CNOT4: variants seen among roughly 807,000 people sequenced by gnomAD.
CNOT4 encodes the protein CCR4-associated factor 4.
In CNOT4, 8 loss-of-function variants were observed where a neutral mutation model predicts 73.8. That is an observed-to-expected ratio of 0.11 (90% CI 0.06 to 0.20). The LOEUF (loss-of-function observed/expected upper bound fraction) is 0.20. Among genes scored for constraint, CNOT4 ranks in the 10% least tolerant of loss-of-function variants. The pLI, the probability that CNOT4 is intolerant of heterozygous loss-of-function variation, is 1.00. For missense variants in CNOT4, 564 were observed against 883.4 expected (o/e 0.64, Z 4.58); for synonymous variants, 293 against 321.1 (o/e 0.91, Z 0.94).
chr7:135,452,951 A>T (rs1020439290), intron 1 of CNOT4, among the ~76,000 whole-genome samples: 8 of 152,182 alleles, frequency 5.3e-5, no homozygotes, highest in Non-Finnish European at 1.2e-4. Flanking sequence ...TCTCTACCAC[A>T]CTTGTGAAGG....
At chr7:135,398,389 A>T (rs1453606190) in intron 7 of CNOT4, among the ~76,000 whole-genome samples, 163 bp from the exon 8 acceptor site, 2 of 152,050 alleles carry the variant, frequency 1.3e-5, no homozygotes, top group Admixed American at 1.3e-4. Flanking sequence ...GGACACAAAG[A>T]AGTACAGGTT....
At chr7:135,473,821 T>G (rs1023276297) in intron 1 of CNOT4, among the ~76,000 whole-genome samples, 2 of 152,122 alleles carry the variant, frequency 1.3e-5, no homozygotes, top group Non-Finnish European at 2.9e-5. Flanking sequence ...GACTGTCAAA[T>G]TGCAGGATAA....
intron 10 of CNOT4, chr7:135,386,150 GT>G (rs1333873831): frequency 3.5e-5 from 5 of 143,594 alleles, no homozygotes; most frequent in South Asian, 4.3e-4. Flanking sequence ...CAAGGCAGCT[GT>G]TCTTTTTTTT....
At chr7:135,414,876 G>C (rs1312669505) in intron 4 of CNOT4, among the ~76,000 whole-genome samples, 1 of 152,046 alleles carries the variant, frequency 6.6e-6, no homozygotes, top group South Asian at 2.1e-4. Context: ...AAATATTACA[G>C]ATTAGAAATC....
chr7:135,440,503 T>C (rs1386145165), intron 1 of CNOT4, among the ~76,000 whole-genome samples: 1 of 152,206 alleles, frequency 6.6e-6, no homozygotes. Flanking sequence ...TAGGAAGTTT[T>C]AGCCCTAGAT....
chr7:135,395,982 A>C, intron 8 of CNOT4, 99 bp from the exon 9 acceptor site: 1 of 715,354 alleles, frequency 1.4e-6, no homozygotes, highest in Non-Finnish European at 2.3e-6. Flanking sequence ...ATAGTGTTTC[A>C]CAAACTGGTA....
At chr7:135,414,284 CTCG>C (rs1797731203) in intron 5 of CNOT4, 44 bp downstream of exon 5, 2 of 736,906 alleles carry the variant, frequency 2.7e-6, no homozygotes, top group African/African-American at 1.8e-5. Context: ...TATATTTTAT[CTCG>C]TCTTCCTTAA....
At chr7:135,476,368 C>T (rs1241471799) in intron 1 of CNOT4, among the ~76,000 whole-genome samples, 6 of 152,066 alleles carry the variant, frequency 3.9e-5, no homozygotes, top group African/African-American at 1.4e-4. Flanking sequence ...TAACTGACTG[C>T]TAAAAATGAG....
At chr7:135,464,129 G>A (rs1801076195) in intron 1 of CNOT4, among the ~76,000 whole-genome samples, 1 of 151,982 alleles carries the variant, frequency 6.6e-6, no homozygotes, top group African/African-American at 2.4e-5. Context: ...AAGCAGTATG[G>A]CAATTCCTCA....
chr7:135,471,802 T>C (rs1246563707), intron 1 of CNOT4, among the ~76,000 whole-genome samples: 3 of 152,238 alleles, frequency 2.0e-5, no homozygotes, highest in African/African-American at 7.2e-5. Flanking sequence ...AGCCAATATA[T>C]TGGCACCTTG....
chr7:135,424,818 A>C (rs11978790), intron 2 of CNOT4, among the ~76,000 whole-genome samples: 5,583 of 132,666 alleles, frequency 0.042, 346 homozygotes, highest in African/African-American at 0.13. Flanking sequence ...AACAAACAAA[A>C]AAAAACAAAC....
chr7:135,495,967 A>G (rs1330389115), intron 1 of CNOT4, among the ~76,000 whole-genome samples: 1 of 152,126 alleles, frequency 6.6e-6, no homozygotes, highest in Non-Finnish European at 1.5e-5. Context: ...TTCAGCACAA[A>G]CTGTCTCAAG....
chr7:135,390,609 T>C (rs1005596660), intron 10 of CNOT4, among the ~76,000 whole-genome samples: 1 of 151,962 alleles, frequency 6.6e-6, no homozygotes, highest in Non-Finnish European at 1.5e-5. Flanking sequence ...ACAAAAACAG[T>C]TTTCAATTAG....
chr7:135,494,801 T>C (rs1004907138), intron 1 of CNOT4, among the ~76,000 whole-genome samples: 1 of 152,158 alleles, frequency 6.6e-6, no homozygotes, highest in Non-Finnish European at 1.5e-5. Flanking sequence ...CATCCAAAGT[T>C]TTCTCCAATA....
chr7:135,461,249 G>A (rs915380541), intron 1 of CNOT4, among the ~76,000 whole-genome samples: 15 of 151,904 alleles, frequency 9.9e-5, no homozygotes, highest in Non-Finnish European at 2.1e-4. Flanking sequence ...CCCCCACACA[G>A]ACTAATCAAA....
intron 1 of CNOT4, among the ~76,000 whole-genome samples, chr7:135,457,620 G>T (rs755380535): frequency 6.6e-6 from 1 of 151,658 alleles, no homozygotes; most frequent in Non-Finnish European, 1.5e-5. Flanking sequence ...GCGTTTCCAC[G>T]CTTCTAATAC....
At chr7:135,383,938 C>G (rs909589898) in intron 10 of CNOT4, among the ~76,000 whole-genome samples, 1 of 152,014 alleles carries the variant, frequency 6.6e-6, no homozygotes, top group Non-Finnish European at 1.5e-5. Flanking sequence ...CCCCTTTTAA[C>G]CAAACACTCA....
At position 135,394,421 on chromosome 7, in the gene CNOT4, G is replaced by A; in HGVS notation, c.1130-6C>T. 6.3e-7 allele frequency: 1 copy of A among 1,590,150 alleles called. No individual in the cohort carries two copies. Among genetic ancestry groups the A allele is most frequent in the Non-Finnish European group, 8.6e-7 (1 of 1,167,628 alleles). ...GGATGATACTGGGATTGTTTCTGTT[G>A]GGAAGAAAAATAGTGATGAATATCA... is the stretch of plus-strand genomic sequence containing the variant. On this transcript the variant is annotated splice_region_variant and splice_polypyrimidine_tract_variant and intron_variant, in intron 9 of 11. Coordinates refer to ENST00000541284, the MANE Select transcript of CNOT4 (RefSeq NM_001190850.2).
chr7:135,425,731 T>C (rs1004642856), intron 2 of CNOT4, among the ~76,000 whole-genome samples: 1 of 152,154 alleles, frequency 6.6e-6, no homozygotes, highest in Non-Finnish European at 1.5e-5. Context: ...TAACCACAAA[T>C]AGCAAATGCA....
Sources: gnomAD v4.1 joint callset for allele counts (sites outside exome capture counted in the v4.1 genomes callset) on GRCh38, gnomAD v4.1.1 for gene constraint, MANE v1.5 for transcripts, NCBI Gene and HGNC (gene_info 2026-07-23, HGNC 2026-07-21) for gene names.